The following ESPNL variants were observed in gnomAD, a reference collection of about 807,000 sequenced individuals.
ESPNL encodes the protein espin like.
In ESPNL, 49 loss-of-function variants were observed where a neutral mutation model predicts 46.8. The ratio of observed to expected loss-of-function variants is 1.05; its 90% CI spans 0.83 to 1.33. The LOEUF (loss-of-function observed/expected upper bound fraction) is 1.33. Ranked by LOEUF, ESPNL falls within the 40% of genes most tolerant of loss-of-function variation. The probability of loss-of-function intolerance (pLI) is 0.00; values close to 1 mark genes in which losing one functional copy is unlikely to be tolerated. For missense variants in ESPNL, 1,540 were observed against 1,436.6 expected (o/e 1.07, Z -1.16); for synonymous variants, 664 against 662.1 (o/e 1.00, Z -0.04).
chr2:238,108,038 C>A (rs1456790728), intron 4 of ESPNL, 65 bp downstream of exon 4: 34 of 1,430,796 alleles, frequency 2.4e-5, no homozygotes, highest in Non-Finnish European at 3.2e-5. Flanking sequence ...AGTGCTGTGT[C>A]ACTGACCCTC....
At chr2:238,106,040 G>A (rs1053679488) in intron 3 of ESPNL, among the ~76,000 whole-genome samples, 9 of 152,096 alleles carry the variant, frequency 5.9e-5, no homozygotes, top group Non-Finnish European at 1.3e-4. Context: ...CGCCTGCCCC[G>A]ACCATCCTCA....
At chr2:238,126,921 C>CTGTGTGTCTGTGATTGTGCCTG (rs1692142598) in intron 6 of ESPNL, among the ~76,000 whole-genome samples, 1 of 146,640 alleles carries the variant, frequency 6.8e-6, no homozygotes, top group Non-Finnish European at 1.5e-5. Context: ...ATGATCGTGT[C>CTGTGTGTCTGTGATTGTGCCTG]TGTGTGTCTG....
Position 238,131,626 on chromosome 2 carries a change from G to A in ESPNL, c.2912G>A (p.Arg971His), listed in dbSNP as rs374950311. 29 of 1,611,102 alleles carry A rather than the reference G, an allele frequency of 1.8e-5. No individual in the cohort carries two copies. Among genetic ancestry groups the A allele is most frequent in the Middle Eastern group, 1.6e-4 (1 of 6,078 alleles). Reference sequence around the variant, plus strand: ...CCCACAGCACAGCGGCTGGGGTCCCGCTCCCAGCAGGGCAGCTTCAACGGT... The same window carrying A: ...CCCACAGCACAGCGGCTGGGGTCCCACTCCCAGCAGGGCAGCTTCAACGGT... ...PEPTAQRLGSRSQQGSFNGED... is the reference protein window; with the variant it reads ...PEPTAQRLGSHSQQGSFNGED... Residue 971 changes from arginine (R) to histidine (H), a missense_variant, in exon 9 of 9, where the codon CGC becomes CAC. Arg to His is a conservative substitution (Grantham distance 29). Transcript: ENST00000343063.
intron 3 of ESPNL, among the ~76,000 whole-genome samples, chr2:238,106,326 G>C (rs1307210795): frequency 2.0e-5 from 3 of 152,172 alleles, no homozygotes; most frequent in Admixed American, 6.5e-5. Flanking sequence ...GACGGGTCCC[G>C]CCTGCTCACC....
chr2:238,128,928 C>T (rs1014048204), intron 8 of ESPNL, 24 bp downstream of exon 8: 173 of 1,524,898 alleles, frequency 1.1e-4, no homozygotes, highest in Non-Finnish European at 1.4e-4. Context: ...AGGGGCGGGA[C>T]CAGTGGGCGG....
At position 238,125,329 on chromosome 2, in the gene ESPNL, G is replaced by C. The variant is rs371983774; in HGVS notation, c.1047G>C (p.Thr349=). ...TCCCCCCACCTCCACTGTTGGCCACGAGGCGCTCCCTGGAGGATGGAAGAA... is the reference window on the plus strand; with the variant it reads ...TCCCCCCACCTCCACTGTTGGCCACCAGGCGCTCCCTGGAGGATGGAAGAA... ...PPFPPPPLLA[T]RRSLEDGRRG... is the part of the protein sequence containing the mutation. The change falls in exon 6 of 9, where the codon ACG becomes ACC. Residue 349 remains threonine (T), a synonymous_variant. Transcript: ENST00000343063. The C allele has an allele frequency of 4.4e-6, 7 of 1,574,412 alleles. No individual in the cohort carries two copies. Among genetic ancestry groups the C allele is most frequent in the African/African-American group, 2.7e-5 (2 of 73,836 alleles).
intron 5 of ESPNL, among the ~76,000 whole-genome samples, chr2:238,119,870 C>T (rs920005352): frequency 6.6e-6 from 1 of 152,084 alleles, no homozygotes; most frequent in Non-Finnish European, 1.5e-5. Flanking sequence ...GGCAGAGCCA[C>T]AGTCCCCCCC....
At chr2:238,117,135 C>A in intron 5 of ESPNL, 101 bp downstream of exon 5, 2 of 1,429,854 alleles carry the variant, frequency 1.4e-6, no homozygotes, top group Non-Finnish European at 9.4e-7. Flanking sequence ...AGCTGGGAAG[C>A]TCACCATGTC....
chr2:238,131,310 C>T lies in ESPNL; in HGVS notation c.2596C>T (p.Leu866=). Reference sequence around the variant, plus strand: ...CTTCATGCTGGGTTACTTCCAGCTGCTGGAGTGCGACCTGCCGGCGGAGGA... The same window carrying T: ...CTTCATGCTGGGTTACTTCCAGCTGTTGGAGTGCGACCTGCCGGCGGAGGA... The part of the protein sequence containing the change: ...DLFMLGYFQL[L]ECDLPAEERK... The change falls in exon 9 of 9, where the codon CTG becomes TTG. Residue 866 remains leucine (L), a synonymous_variant. Transcript: ENST00000343063. The T allele has an allele frequency of 6.3e-7, 1 of 1,584,484 alleles. No individual in the cohort carries two copies. The highest frequency in any genetic ancestry group is 1.1e-5 in the South Asian group (1 of 87,448).
rs1196793657 is a variant in ESPNL at position 238,108,203 on chromosome 2, C to T, written c.855+230C>T. ...CTGCGTACCATCCTCCCTCCCTTCG[C>T]GCAGAAACTCCCTCGTGCCTGGTCA... On this transcript the variant is annotated intron_variant, in intron 4 of 8. Coordinates refer to ENST00000343063, the MANE Select transcript of ESPNL (RefSeq NM_194312.4). Among the ~76,000 whole-genome samples, 6 of 152,248 alleles carry T rather than the reference C, an allele frequency of 3.9e-5. No homozygotes were observed. In the South Asian group the frequency reaches 6.2e-4, roughly 16 times the overall value.
chr2:238,117,142 T>C lies in ESPNL; in HGVS notation c.987+108T>C, dbSNP rs114925919. Reference sequence around the variant, plus strand: ...GCATAGTCAGCTGGGAAGCTCACCATGTCCAACTCATACATGGCATTGGAG... The same window carrying C: ...GCATAGTCAGCTGGGAAGCTCACCACGTCCAACTCATACATGGCATTGGAG... On this transcript the variant is annotated intron_variant, in intron 5 of 8. Coordinates refer to ENST00000343063, the MANE Select transcript of ESPNL (RefSeq NM_194312.4). 867 of 1,398,108 alleles carry C rather than the reference T, an allele frequency of 6.2e-4. 2 individuals carry two copies. Among genetic ancestry groups the C allele is most frequent in the Non-Finnish European group, 8.1e-4 (845 of 1,044,182 alleles). 86.6% of individuals were successfully genotyped at this position (1,398,108 alleles called of 1,614,324 possible).
intron 3 of ESPNL, among the ~76,000 whole-genome samples, chr2:238,106,687 C>T (rs1183042370): frequency 6.6e-6 from 1 of 152,236 alleles, no homozygotes; most frequent in African/African-American, 2.4e-5. Flanking sequence ...CGGCTGCACA[C>T]AGTGGGCAGA....
chr2:238,116,833 G>C, intron 4 of ESPNL, 70 bp from the exon 5 acceptor site: 1 of 1,561,928 alleles, frequency 6.4e-7, no homozygotes, highest in Non-Finnish European at 8.7e-7. Context: ...GGAGCGGCCC[G>C]CACAGGGCCA....
chr2:238,110,582 T>C (rs1244040927), intron 4 of ESPNL, among the ~76,000 whole-genome samples: 2 of 114,826 alleles, frequency 1.7e-5, no homozygotes, highest in African/African-American at 6.1e-5. Flanking sequence ...TAGGGTGCCA[T>C]ATGTTACCGA....
At chr2:238,118,741 T>TAA (rs1691891945) in intron 5 of ESPNL, among the ~76,000 whole-genome samples, 1 of 54,350 alleles carries the variant, frequency 1.8e-5, no homozygotes, top group African/African-American at 8.5e-5. Flanking sequence ...AGGAGGGTGG[T>TAA]TGCAGGAGGA....
At chr2:238,105,036 C>T (rs537278941) in intron 3 of ESPNL, among the ~76,000 whole-genome samples, 194 bp downstream of exon 3, 1 of 152,218 alleles carries the variant, frequency 6.6e-6, no homozygotes, top group African/African-American at 2.4e-5. Context: ...TTTTGACCAC[C>T]TGTAGTGCAC....
intron 2 of ESPNL, 22 bp from the exon 3 acceptor site, chr2:238,104,634 C>G (rs758064223): frequency 6.5e-7 from 1 of 1,547,316 alleles, no homozygotes; most frequent in African/African-American, 1.4e-5. Flanking sequence ...GACTGGGCCT[C>G]CAAACCCTCC....
At chr2:238,123,122 G>A (rs1692024293) in intron 5 of ESPNL, among the ~76,000 whole-genome samples, 1 of 152,196 alleles carries the variant, frequency 6.6e-6, no homozygotes. Flanking sequence ...CTCCTCTGAG[G>A]ACCGTTGAGT....
Position 238,130,123 on chromosome 2 carries a change from C to T in ESPNL, c.1414-5C>T, listed in dbSNP as rs1559269076. On this transcript the variant is annotated splice_polypyrimidine_tract_variant and splice_region_variant and intron_variant, in intron 8 of 8. Coordinates refer to ENST00000343063, the MANE Select transcript of ESPNL (RefSeq NM_194312.4). The stretch of plus-strand genomic sequence containing the variant: ...CCCTGCTCACCCTGCCCTTCCTGTG[C>T]CCAGGACAATGGTGGGAGCTCAGGC... The T allele has an allele frequency of 1.2e-6, 2 of 1,605,674 alleles. No homozygotes were observed. The highest frequency in any genetic ancestry group is 2.2e-5 in the South Asian group (2 of 90,718).
Sources: allele counts gnomAD v4.1 joint callset (sites outside exome capture counted in the v4.1 genomes callset), GRCh38; gene constraint gnomAD v4.1.1; transcripts MANE v1.5; gene names NCBI Gene and HGNC (gene_info 2026-07-23, HGNC 2026-07-21).